SPRR2G: variants seen among roughly 807,000 people sequenced by gnomAD.
The protein encoded by SPRR2G is small proline rich protein 2G.
SPRR2G carries 1 observed loss-of-function variant against 0.7 expected under a neutral mutation model. That is an observed-to-expected ratio of 1.49 (90% CI 0.53 to 7.06). The LOEUF (loss-of-function observed/expected upper bound fraction) is 7.06. Ranked by LOEUF, SPRR2G falls within the 30% of genes most tolerant of loss-of-function variation. The pLI is 0.14. For missense variants in SPRR2G, 96 were observed against 88.5 expected (o/e 1.09, Z -0.34); for synonymous variants, 38 against 33.9 (o/e 1.12, Z -0.42).
the SPRR2G span, among the ~76,000 whole-genome samples, chr1:153,162,503 C>T: frequency 5.9e-5 from 9 of 151,812 alleles, no homozygotes; most frequent in Non-Finnish European, 1.0e-4. Flanking sequence ...TACTGCTATG[C>T]GTCCCACAAT....
chr1:153,196,215 C>T, the SPRR2G span, among the ~76,000 whole-genome samples: 1 of 152,304 alleles, frequency 6.6e-6, no homozygotes, highest in African/African-American at 2.4e-5. Flanking sequence ...ATTAATAACT[C>T]ATTTCATCCT....
the SPRR2G span, among the ~76,000 whole-genome samples, chr1:153,187,923 C>G: frequency 6.6e-6 from 1 of 152,154 alleles, no homozygotes; most frequent in African/African-American, 2.4e-5. Context: ...GATGTTATTG[C>G]TCTCTGTTTG....
the SPRR2G span, among the ~76,000 whole-genome samples, chr1:153,195,693 T>C: frequency 6.6e-6 from 1 of 152,220 alleles, no homozygotes; most frequent in African/African-American, 2.4e-5. Context: ...AATTACAACA[T>C]TTATTTATCA....
At chr1:153,175,192 T>C in the SPRR2G span, among the ~76,000 whole-genome samples, 2 of 152,176 alleles carry the variant, frequency 1.3e-5, no homozygotes, top group Admixed American at 6.5e-5. Flanking sequence ...CTTGGACTAA[T>C]CGTAAGAACC....
rs765412132 is a variant in SPRR2G at position 153,149,961 on chromosome 1, T to C, written c.150A>G (p.Pro50=). Reference sequence around the variant, plus strand: ...GCACAGGAGGGCATTTATCCTGGCATGGTGGAGGTGGGCAATGCTCAGGTG... The same window carrying C: ...GCACAGGAGGGCATTTATCCTGGCACGGTGGAGGTGGGCAATGCTCAGGTG... ...PCPPEHCPPP[P]CQDKCPPVQP... Residue 50 remains proline (P), a synonymous_variant, in exon 2 of 2, where the codon CCA becomes CCG. Coordinates refer to ENST00000368748, the MANE Select transcript of SPRR2G (RefSeq NM_001014291.4). The C allele has an allele frequency of 3.1e-6, 5 of 1,613,872 alleles. No individual in the cohort carries two copies. In the South Asian group the frequency reaches 5.5e-5, roughly 18 times the overall value.
chr1:153,159,618 C>T, the SPRR2G span, among the ~76,000 whole-genome samples: 2 of 152,190 alleles, frequency 1.3e-5, no homozygotes, highest in Non-Finnish European at 2.9e-5. Flanking sequence ...TTTGTTCTCA[C>T]ACTGCTATAA....
At chr1:153,158,949 G>T in the SPRR2G span, among the ~76,000 whole-genome samples, 1 of 152,198 alleles carries the variant, frequency 6.6e-6, no homozygotes, top group Non-Finnish European at 1.5e-5. Context: ...GGGATGCAGG[G>T]TACCAAGTCC....
At chr1:153,156,861 G>A in the SPRR2G span, among the ~76,000 whole-genome samples, 18 of 152,118 alleles carry the variant, frequency 1.2e-4, no homozygotes, top group African/African-American at 7.2e-5. Flanking sequence ...TTAAGTAAAC[G>A]TCAGTATTTA....
At chr1:153,162,407 G>C in the SPRR2G span, among the ~76,000 whole-genome samples, 20 of 152,292 alleles carry the variant, frequency 1.3e-4, no homozygotes, top group Non-Finnish European at 2.6e-4. Context: ...CATGTCCTCT[G>C]TTGAATGGAG....
the SPRR2G span, among the ~76,000 whole-genome samples, chr1:153,160,804 T>C: frequency 0.48 from 71,878 of 149,892 alleles, 18,722 homozygotes; most frequent in Non-Finnish European, 0.57. Flanking sequence ...ATGTTTATTG[T>C]GGCACTATTC....
At chr1:153,182,661 G>A in the SPRR2G span, among the ~76,000 whole-genome samples, 1,915 of 152,210 alleles carry the variant, frequency 0.013, 52 homozygotes, top group African/African-American at 0.044. Flanking sequence ...CAGTTCCTGC[G>A]TTAGTTTGCT....
chr1:153,200,271 A>C, the SPRR2G span, among the ~76,000 whole-genome samples: 1 of 152,188 alleles, frequency 6.6e-6, no homozygotes, highest in Non-Finnish European at 1.5e-5. Context: ...GGGGAAAAAA[A>C]TGCTATGGAG....
chr1:153,183,234 T>G, the SPRR2G span, among the ~76,000 whole-genome samples: 1 of 136,748 alleles, frequency 7.3e-6, no homozygotes, highest in Non-Finnish European at 1.6e-5. Context: ...ATTACAGGCA[T>G]GCGCCACCAC....
the SPRR2G span, among the ~76,000 whole-genome samples, chr1:153,191,999 G>C: frequency 2.0e-5 from 3 of 152,172 alleles, no homozygotes; most frequent in African/African-American, 7.2e-5. Flanking sequence ...AAAGCATCTA[G>C]TTTATAAAAC....
At chr1:153,153,166 G>A (rs572984464), upstream of SPRR2G, among the ~76,000 whole-genome samples, 1 of 152,064 alleles carries the variant, frequency 6.6e-6, no homozygotes, top group Non-Finnish European at 1.5e-5. Flanking sequence ...GAATAGGAGT[G>A]GGGGAGAGAC....
chr1:153,187,067 C>A, the SPRR2G span, among the ~76,000 whole-genome samples: 1 of 152,194 alleles, frequency 6.6e-6, no homozygotes, highest in Non-Finnish European at 1.5e-5. Context: ...CAGAGATACA[C>A]TATTAGTCTG....
chr1:153,200,379 G>T, the SPRR2G span, among the ~76,000 whole-genome samples: 2 of 152,000 alleles, frequency 1.3e-5, no homozygotes, highest in Non-Finnish European at 2.9e-5. Flanking sequence ...CAGAGAGAGA[G>T]GTTCAGCAAA....
the SPRR2G span, among the ~76,000 whole-genome samples, chr1:153,180,523 G>A: frequency 0.016 from 2,508 of 152,198 alleles, 64 homozygotes; most frequent in African/African-American, 0.058. Context: ...TTGCTAAAAG[G>A]TATTTTAGTA....
chr1:153,191,159 C>T, the SPRR2G span: 9 of 152,422 alleles, frequency 5.9e-5, no homozygotes, highest in East Asian at 1.5e-3. Flanking sequence ...CCCACCTCTA[C>T]ATGAGGCACC....
Sources: allele counts gnomAD v4.1 joint callset (sites outside exome capture counted in the v4.1 genomes callset), GRCh38; gene constraint gnomAD v4.1.1; transcripts MANE v1.5; gene names NCBI Gene and HGNC (gene_info 2026-07-23, HGNC 2026-07-21).